The following FAM234A variants were observed in gnomAD, a reference collection of about 807,000 sequenced individuals.
FAM234A encodes the protein family with sequence similarity 234 member A, also known as protein FAM234A.
In FAM234A, 42 loss-of-function variants were observed where a neutral mutation model predicts 49.1. The observed-to-expected ratio is 0.86, with a 90% CI of 0.67 to 1.11. FAM234A has a LOEUF of 1.11. FAM234A is among the 50% of genes least tolerant of loss of function. The probability of loss-of-function intolerance (pLI) is 0.00; values close to 1 mark genes in which losing one functional copy is unlikely to be tolerated. For missense variants in FAM234A, 815 were observed against 745.2 expected (o/e 1.09, Z -1.09); for synonymous variants, 369 against 316.2 (o/e 1.17, Z -1.77).
intron 1 of FAM234A, among the ~76,000 whole-genome samples, chr16:245,459 G>C (rs955368384): frequency 6.6e-6 from 1 of 152,222 alleles, no homozygotes; most frequent in Non-Finnish European, 1.5e-5. Context: ...GTGCTCTTCA[G>C]TGAACTGCCC....
Position 256,403 on chromosome 16 carries a change from T to C in FAM234A, c.268+1722T>C, listed in dbSNP as rs117900346. ...TACACTCATGCTAGTGGGTGTGAAT[T>C]AGAATCTCCCAGTGACTGAAAATGT... On this transcript the variant is annotated intron_variant, in intron 3 of 12. Transcript: ENST00000399932. 8.9e-3 allele frequency among the ~76,000 whole-genome samples: 1,357 copies of C among 152,314 alleles called. 11 individuals carry two copies. Among genetic ancestry groups the C allele is most frequent in the Middle Eastern group, 0.02 (6 of 294 alleles).
chr16:242,612 CT>C (rs1352877144), intron 1 of FAM234A, among the ~76,000 whole-genome samples: 5,401 of 137,790 alleles, frequency 0.039, 238 homozygotes, highest in African/African-American at 0.12. Flanking sequence ...GTGTCAGCTC[CT>C]TTTTTTTTTT....
intron 1 of FAM234A, among the ~76,000 whole-genome samples, chr16:240,566 G>A (rs564080892): frequency 5.3e-5 from 8 of 151,022 alleles, no homozygotes; most frequent in African/African-American, 1.7e-4. Context: ...ACAATGGTGC[G>A]ATCTCAGCTC....
intron 1 of FAM234A, among the ~76,000 whole-genome samples, chr16:247,959 A>G (rs1411109654): frequency 6.6e-6 from 1 of 151,996 alleles, no homozygotes; most frequent in Non-Finnish European, 1.5e-5. Flanking sequence ...CTGTCTGGGA[A>G]CCCTCTCAGA....
chr16:250,226 C>T (rs981811184), intron 2 of FAM234A, among the ~76,000 whole-genome samples: 14 of 152,352 alleles, frequency 9.2e-5, no homozygotes, highest in Non-Finnish European at 1.8e-4. Context: ...CCACCGCGCC[C>T]GGCCAGGAAT....
In FAM234A at chr16:254,573, C is replaced by A; in HGVS notation, c.160C>A (p.Leu54Ile). 6.5e-7 allele frequency: 1 copy of A among 1,541,796 alleles called. No individual in the cohort carries two copies. The highest frequency in any genetic ancestry group is 8.9e-7 in the Non-Finnish European group (1 of 1,129,560). Reference sequence around the variant, plus strand: ...CCGGTGCCGAGCGGCGGCGTTTTTTCTTTCATTGTTTCTCTGCCTTTTTGT... The same window carrying A: ...CCGGTGCCGAGCGGCGGCGTTTTTTATTTCATTGTTTCTCTGCCTTTTTGT... ...LSRCRAAAFFLSLFLCLFVVF... is the reference protein window; with the variant it reads ...LSRCRAAAFFISLFLCLFVVF... The change falls in exon 3 of 13, where the codon CTT becomes ATT. Residue 54 changes from leucine to isoleucine, a missense_variant. Leu to Ile is a conservative substitution (Grantham distance 5). Transcript: ENST00000399932.
chr16:239,508 G>C (rs1220459584), intron 1 of FAM234A, among the ~76,000 whole-genome samples: 1 of 150,794 alleles, frequency 6.6e-6, no homozygotes, highest in African/African-American at 2.4e-5. Flanking sequence ...CCAGCTACTC[G>C]GGAGGCTGAG....
chr16:236,003 AT>A (rs1246718036), intron 1 of FAM234A, among the ~76,000 whole-genome samples: 1 of 151,956 alleles, frequency 6.6e-6, no homozygotes, highest in Non-Finnish European at 1.5e-5. Flanking sequence ...AAATAAAAAA[AT>A]TAGCTGCGTA....
intron 1 of FAM234A, among the ~76,000 whole-genome samples, chr16:239,942 C>T (rs1326690665): frequency 2.0e-5 from 3 of 151,976 alleles, no homozygotes; most frequent in African/African-American, 4.8e-5. Flanking sequence ...GGTTATGGGC[C>T]TGTTCTTTGT....
At chr16:263,613 T>G in intron 9 of FAM234A, 87 bp from the exon 10 acceptor site, 1 of 1,304,926 alleles carries the variant, frequency 7.7e-7, no homozygotes, top group Non-Finnish European at 1.1e-6. Flanking sequence ...CATGGGAGAC[T>G]GAGGGGCGGA....
chr16:262,456 C>G lies in FAM234A; in HGVS notation c.874C>G (p.Leu292Val), dbSNP rs746493223. Reference protein sequence around the residue: ...SSLCGCSVKGLYEKVTGSGGP... With the variant: ...SSLCGCSVKGVYEKVTGSGGP... Reference sequence around the variant, plus strand: ...CCTCTGCGGCTGCTCTGTGAAGGGTCTCTACGAGAAGGTGACCGGGAGCGG... The same window carrying G: ...CCTCTGCGGCTGCTCTGTGAAGGGTGTCTACGAGAAGGTGACCGGGAGCGG... Residue 292 changes from leucine (L) to valine (V), a missense_variant, in exon 8 of 13, where the codon CTC becomes GTC. By Grantham distance (32) the Leu-to-Val change is conservative (BLOSUM62 1). Coordinates refer to ENST00000399932, the MANE Select transcript of FAM234A (RefSeq NM_032039.4). The G allele has an allele frequency of 3.7e-6, 6 of 1,611,076 alleles. No homozygotes were observed. The highest frequency in any genetic ancestry group is 5.1e-6 in the Non-Finnish European group (6 of 1,178,570).
At chr16:258,630 C>T (rs907423231) in intron 3 of FAM234A, among the ~76,000 whole-genome samples, 47 of 152,210 alleles carry the variant, frequency 3.1e-4, no homozygotes, top group Admixed American at 3.0e-3. Flanking sequence ...TCCACAAAAC[C>T]GCCATTGTCA....
At chr16:267,681 G>A (rs952746151), downstream of FAM234A, among the ~76,000 whole-genome samples, 2 of 144,698 alleles carry the variant, frequency 1.4e-5, no homozygotes, top group Admixed American at 1.4e-4. Context: ...CAGTACACCT[G>A]CACACGTGCA....
chr16:249,214 AG>A (rs1310780235), intron 1 of FAM234A, among the ~76,000 whole-genome samples: 1 of 151,840 alleles, frequency 6.6e-6, no homozygotes, highest in African/African-American at 2.4e-5. Context: ...GGGGGGATGC[AG>A]TCTCCCCTTG....
downstream of FAM234A, among the ~76,000 whole-genome samples, chr16:268,050 G>A (rs969661128): frequency 3.6e-5 from 5 of 137,090 alleles, no homozygotes; most frequent in African/African-American, 1.1e-4. Flanking sequence ...CTGCACACGG[G>A]TGCTACACAC....
At chr16:266,584 G>A (rs763384223), downstream of FAM234A, among the ~76,000 whole-genome samples, 2 of 152,152 alleles carry the variant, frequency 1.3e-5, no homozygotes, top group African/African-American at 4.8e-5. Context: ...ACTGTCCCAC[G>A]GCCATGTATG....
Position 262,196 on chromosome 16 carries a change from C to T in FAM234A, c.812C>T (p.Thr271Ile), listed in dbSNP as rs1207686492. 4.3e-6 allele frequency: 7 copies of T among 1,614,028 alleles called. No homozygotes were observed. The highest frequency in any genetic ancestry group is 5.1e-6 in the Non-Finnish European group (6 of 1,180,022). The change falls in exon 7 of 13, where the codon ACA (threonine) becomes ATA (isoleucine). Residue 271 changes from threonine to isoleucine, a missense_variant. Coordinates refer to ENST00000399932, the MANE Select transcript of FAM234A (RefSeq NM_032039.4). ...GGCTTCCTCCTTCACGTCACCAGGA[C>T]AGGTGCCCACTACATCCTCTTTCCC... ...ESGFLLHVTR[T>I]GAHYILFPCA... is the part of the protein sequence containing the mutation.
intron 1 of FAM234A, among the ~76,000 whole-genome samples, chr16:237,071 A>AT (rs35756138): frequency 0.2 from 29,164 of 149,544 alleles, 2,924 homozygotes; most frequent in South Asian, 0.26. Context: ...TTATTTATGT[A>AT]TTTTTTTAAA....
chr16:242,970 C>G (rs1420903323), intron 1 of FAM234A, among the ~76,000 whole-genome samples: 1 of 151,144 alleles, frequency 6.6e-6, no homozygotes, highest in African/African-American at 2.4e-5. Context: ...TCTTTTCTTT[C>G]TGAGCCCTCA....
Sources: gnomAD v4.1 joint callset for allele counts (sites outside exome capture counted in the v4.1 genomes callset) on GRCh38, gnomAD v4.1.1 for gene constraint, MANE v1.5 for transcripts, NCBI Gene and HGNC (gene_info 2026-07-23, HGNC 2026-07-21) for gene names.